CALN1: variants seen among roughly 807,000 people sequenced by gnomAD.
The protein encoded by CALN1 is calcium-binding protein 8.
A neutral mutation model predicts 30.6 loss-of-function variants in CALN1; 17 were observed. The ratio of observed to expected loss-of-function variants is 0.56; its 90% CI spans 0.38 to 0.83. CALN1 has a LOEUF of 0.83. Ranked by LOEUF, CALN1 falls within the 40% of genes least tolerant of loss-of-function variation. The pLI, the probability that CALN1 is intolerant of heterozygous loss-of-function variation, is 0.00. For missense variants in CALN1, 291 were observed against 354.9 expected, an observed-to-expected ratio of 0.82 and a Z score of 1.45; for synonymous variants, 156 against 131.4, an observed-to-expected ratio of 1.19 and a Z score of -1.28.
At chr7:71,846,909 CATACATATATGTATATTATAT>C (rs930248202) in intron 5 of CALN1, among the ~76,000 whole-genome samples, 21 of 143,678 alleles carry the variant, frequency 1.5e-4, no homozygotes, top group African/African-American at 5.4e-4. Context: ...ATAATATATA[CATACATATATGTATATTATAT>C]ATACATATAT....
At chr7:72,249,424 A>G (rs572932098) in intron 3 of CALN1, among the ~76,000 whole-genome samples, 49 of 150,052 alleles carry the variant, frequency 3.3e-4, no homozygotes, top group South Asian at 6.2e-4. Flanking sequence ...CCAAGATCAC[A>G]TGTTTAATGG....
intron 2 of CALN1, among the ~76,000 whole-genome samples, chr7:72,320,429 G>A (rs923906493): frequency 6.6e-6 from 1 of 152,152 alleles, no homozygotes; most frequent in African/African-American, 2.4e-5. Flanking sequence ...GGGGAAGCAA[G>A]AATGAGGTAA....
chr7:72,265,909 G>A (rs984029508), intron 3 of CALN1, among the ~76,000 whole-genome samples: 4 of 152,012 alleles, frequency 2.6e-5, no homozygotes, highest in African/African-American at 7.3e-5. Flanking sequence ...CAAGGAGGGA[G>A]GATCATTTGA....
chr7:71,893,510 G>A (rs976536373), intron 5 of CALN1, among the ~76,000 whole-genome samples: 10 of 152,074 alleles, frequency 6.6e-5, no homozygotes, highest in Non-Finnish European at 1.5e-4. Context: ...GGCCAACATG[G>A]CGAAACCCTG....
chr7:72,441,094 T>C (rs1259312224), intron 1 of CALN1, among the ~76,000 whole-genome samples: 2 of 152,230 alleles, frequency 1.3e-5, no homozygotes, highest in Non-Finnish European at 2.9e-5. Context: ...ATCTGTCTTT[T>C]GTTTCCATGT....
intron 4 of CALN1, among the ~76,000 whole-genome samples, chr7:72,094,903 G>A (rs1806114538): frequency 6.6e-6 from 1 of 152,146 alleles, no homozygotes; most frequent in Non-Finnish European, 1.5e-5. Flanking sequence ...GTAACCTCAT[G>A]AGAACCCCAT....
intron 3 of CALN1, among the ~76,000 whole-genome samples, chr7:72,183,734 T>C (rs1259808324): frequency 3.9e-5 from 6 of 152,180 alleles, no homozygotes; most frequent in Non-Finnish European, 2.9e-5. Flanking sequence ...TAAAAACACA[T>C]GCAGGGCAAC....
At chr7:72,488,168 C>A in the CALN1 span, among the ~76,000 whole-genome samples, 1 of 151,564 alleles carries the variant, frequency 6.6e-6, no homozygotes, top group Admixed American at 6.6e-5. Context: ...GTGTTTAAGA[C>A]CAGCCTGGAC....
At chr7:72,094,674 T>C (rs1486689868) in intron 4 of CALN1, among the ~76,000 whole-genome samples, 3 of 152,182 alleles carry the variant, frequency 2.0e-5, no homozygotes, top group African/African-American at 4.8e-5. Flanking sequence ...ATGGCATACC[T>C]TCCTGGGCAT....
intron 1 of CALN1, among the ~76,000 whole-genome samples, chr7:72,410,169 A>C (rs558056429): frequency 6.6e-6 from 1 of 152,198 alleles, no homozygotes; most frequent in Non-Finnish European, 1.5e-5. Context: ...CCCAAAGCTA[A>C]GCCCTGCATT....
intron 2 of CALN1, among the ~76,000 whole-genome samples, chr7:72,293,369 G>T (rs1442825119): frequency 1.3e-5 from 2 of 152,140 alleles, no homozygotes; most frequent in African/African-American, 4.8e-5. Context: ...GAAAGGCTTT[G>T]CTCTGCCAAG....
At chr7:72,408,720 A>G (rs986394279) in intron 1 of CALN1, among the ~76,000 whole-genome samples, 1 of 109,262 alleles carries the variant, frequency 9.2e-6, no homozygotes, top group African/African-American at 3.6e-5. Flanking sequence ...TCTGTCACCC[A>G]GGTTGGAGTG....
chr7:72,082,208 A>G (rs112743545), intron 4 of CALN1, among the ~76,000 whole-genome samples: 7 of 151,952 alleles, frequency 4.6e-5, no homozygotes, highest in African/African-American at 1.4e-4. Context: ...CTTATCTCGA[A>G]CTCCTGACCT....
rs1806479195 is a variant in CALN1, at chr7:72,403,386, T to C, written c.-17A>G. ...CAGCCGCATCGGGGGTCCAGGGCGA[T>C]GTTCTCAGAGAGAGTTAGAAGCTCA... On this transcript the variant is annotated 5_prime_UTR_variant, in exon 2 of 7. Coordinates refer to ENST00000395275, the MANE Select transcript of CALN1 (RefSeq NM_031468.4). 2.0e-6 allele frequency: 3 copies of C among 1,536,624 alleles called. No homozygotes were observed. Among genetic ancestry groups the C allele is most frequent in the African/African-American group, 1.4e-5 (1 of 72,950 alleles).
chr7:72,343,351 A>G (rs1285683156), intron 2 of CALN1, among the ~76,000 whole-genome samples: 1 of 152,122 alleles, frequency 6.6e-6, no homozygotes, highest in African/African-American at 2.4e-5. Context: ...CTTTGAGACT[A>G]GCCTGGTCAA....
chr7:72,121,295 A>G (rs898212011), intron 3 of CALN1, among the ~76,000 whole-genome samples: 4 of 143,472 alleles, frequency 2.8e-5, no homozygotes, highest in African/African-American at 1.0e-4. Context: ...TATAAATTAT[A>G]TAATTTATAA....
At chr7:72,260,122 C>T (rs527786817) in intron 3 of CALN1, among the ~76,000 whole-genome samples, 1 of 152,146 alleles carries the variant, frequency 6.6e-6, no homozygotes, top group African/African-American at 2.4e-5. Flanking sequence ...GTTCTAGAGG[C>T]CAGGAGTGTG....
At chr7:72,137,999 T>C (rs1444571076) in intron 3 of CALN1, among the ~76,000 whole-genome samples, 1 of 152,206 alleles carries the variant, frequency 6.6e-6, no homozygotes, top group Non-Finnish European at 1.5e-5. Flanking sequence ...TCTGCTATTT[T>C]TGAAATTATT....
At position 72,428,050 on chromosome 7, in the gene CALN1, C is replaced by T. The variant is rs1022979368; in HGVS notation, c.-225-15775G>A. ...CTTTCCCATGTCATCCCAGCCTCAGCTCAATGTCCCTTCTGTGTTCATTTG... is the reference window on the plus strand; with the variant it reads ...CTTTCCCATGTCATCCCAGCCTCAGTTCAATGTCCCTTCTGTGTTCATTTG... On this transcript the variant is annotated intron_variant, in intron 1 of 6. Transcript: ENST00000395276. Among the ~76,000 whole-genome samples, 7 of 152,306 alleles carry T rather than the reference C, an allele frequency of 4.6e-5. No individual in the cohort carries two copies. The East Asian group carries it at 1.3e-3, about 29-fold the overall frequency.
Sources: allele counts gnomAD v4.1 joint callset (sites outside exome capture counted in the v4.1 genomes callset), GRCh38; gene constraint gnomAD v4.1.1; transcripts MANE v1.5; gene names NCBI Gene and HGNC (gene_info 2026-07-23, HGNC 2026-07-21).